SPOCK1: variants seen among roughly 807,000 people sequenced by gnomAD.
The protein encoded by SPOCK1 is SPARC (osteonectin), cwcv and kazal like domains proteoglycan 1, also known as testican-1.
A neutral mutation model predicts 55.3 loss-of-function variants in SPOCK1; 23 were observed. The ratio of observed to expected loss-of-function variants is 0.42; its 90% CI spans 0.30 to 0.59. The LOEUF (loss-of-function observed/expected upper bound fraction) is 0.59. Ranked by LOEUF, SPOCK1 falls within the 20% of genes least tolerant of loss-of-function variation. The pLI is 0.22. For missense variants in SPOCK1, 499 were observed against 552.5 expected (o/e 0.90, Z 0.97); for synonymous variants, 226 against 221.0 (o/e 1.02, Z -0.20).
chr5:137,380,035 T>G (rs1751429420), intron 2 of SPOCK1, among the ~76,000 whole-genome samples: 1 of 152,202 alleles, frequency 6.6e-6, no homozygotes, highest in South Asian at 2.1e-4. Context: ...ATTCTCCTTT[T>G]TTCCCTCTAA....
At chr5:137,377,816 T>G (rs1751354849) in intron 2 of SPOCK1, among the ~76,000 whole-genome samples, 1 of 151,876 alleles carries the variant, frequency 6.6e-6, no homozygotes, top group Non-Finnish European at 1.5e-5. Flanking sequence ...AACAAATGAA[T>G]CAAATCAGTC....
chr5:137,097,511 A>G (rs1215231247), intron 5 of SPOCK1, among the ~76,000 whole-genome samples: 1 of 152,180 alleles, frequency 6.6e-6, no homozygotes. Flanking sequence ...ACACAGACTG[A>G]GCATGTCAGA....
chr5:137,498,372 C>T lies in SPOCK1; in HGVS notation c.186+1G>A. ...CAGGGCCGGGTGGCGCCGGTACTCA[C>T]GTCTCGAAAGCGGTTCCAGTACTTG... On this transcript the variant is annotated splice_donor_variant, in intron 2 of 10. Coordinates refer to ENST00000394945, the MANE Select transcript of SPOCK1 (RefSeq NM_004598.4). LOFTEE classifies it high-confidence loss of function. 1 of 1,595,256 alleles carries T rather than the reference C, an allele frequency of 6.3e-7. No homozygotes were observed. Among genetic ancestry groups the T allele is most frequent in the Non-Finnish European group, 8.5e-7 (1 of 1,171,140 alleles).
At chr5:137,232,650 C>T (rs1344586980) in intron 3 of SPOCK1, among the ~76,000 whole-genome samples, 1 of 152,196 alleles carries the variant, frequency 6.6e-6, no homozygotes, top group Non-Finnish European at 1.5e-5. Flanking sequence ...GTCAAAATCA[C>T]TTTAGCTATT....
intron 2 of SPOCK1, among the ~76,000 whole-genome samples, chr5:137,274,835 G>A (rs542460799): frequency 1.3e-5 from 2 of 152,138 alleles, no homozygotes; most frequent in East Asian, 3.9e-4. Context: ...TTGCGTAAAG[G>A]GCAGACACGT....
At chr5:137,100,575 CTGTT>C (rs1753243091) in intron 5 of SPOCK1, among the ~76,000 whole-genome samples, 1 of 152,216 alleles carries the variant, frequency 6.6e-6, no homozygotes, top group Admixed American at 6.5e-5. Context: ...TCTGACCAAA[CTGTT>C]TGGGGTCACC....
chr5:137,414,190 C>T (rs1023450672), intron 2 of SPOCK1, among the ~76,000 whole-genome samples: 1 of 152,190 alleles, frequency 6.6e-6, no homozygotes, highest in Non-Finnish European at 1.5e-5. Flanking sequence ...CTTCCTATTC[C>T]TCCTCTATCC....
intron 2 of SPOCK1, among the ~76,000 whole-genome samples, chr5:137,279,653 C>T (rs546786230): frequency 1.0e-3 from 156 of 152,314 alleles, no homozygotes; most frequent in Non-Finnish European, 1.7e-3. Flanking sequence ...TCTCAGTCTG[C>T]CCTTTGCTCT....
intron 6 of SPOCK1, among the ~76,000 whole-genome samples, chr5:137,012,272 G>A (rs929353472): frequency 6.6e-6 from 1 of 152,194 alleles, no homozygotes; most frequent in Non-Finnish European, 1.5e-5. Context: ...CATGGCCACA[G>A]TCATGTCTGT....
At chr5:137,404,261 C>T (rs1752046537) in intron 2 of SPOCK1, among the ~76,000 whole-genome samples, 1 of 152,238 alleles carries the variant, frequency 6.6e-6, no homozygotes, top group Non-Finnish European at 1.5e-5. Context: ...GCTGCTACGA[C>T]AGCCAACTGT....
chr5:137,339,562 T>C (rs1038547933), intron 2 of SPOCK1, among the ~76,000 whole-genome samples: 10 of 152,126 alleles, frequency 6.6e-5, no homozygotes, highest in African/African-American at 2.4e-4. Context: ...AGCCTCCGCA[T>C]CAAGCTAAAC....
chr5:137,246,955 G>A (rs557714089), intron 3 of SPOCK1, among the ~76,000 whole-genome samples: 33 of 152,208 alleles, frequency 2.2e-4, no homozygotes, highest in African/African-American at 3.9e-4. Flanking sequence ...TCTAATCTCC[G>A]CGGGTGGAGC....
chr5:137,240,819 C>T (rs958357108), intron 3 of SPOCK1, among the ~76,000 whole-genome samples: 2 of 152,070 alleles, frequency 1.3e-5, no homozygotes, highest in East Asian at 1.9e-4. Flanking sequence ...ATAACATTAT[C>T]GAACAATGAT....
At chr5:137,192,170 G>A (rs1755193579) in intron 3 of SPOCK1, among the ~76,000 whole-genome samples, 1 of 148,904 alleles carries the variant, frequency 6.7e-6, no homozygotes, top group Middle Eastern at 3.4e-3. Flanking sequence ...CCCGGGAGGT[G>A]GAGGTTGAGC....
intron 2 of SPOCK1, among the ~76,000 whole-genome samples, chr5:137,280,788 A>G (rs946367661): frequency 1.3e-4 from 20 of 152,206 alleles, no homozygotes; most frequent in Admixed American, 8.5e-4. Context: ...AAACAGAAAA[A>G]CAATATGAAA....
In SPOCK1 at chr5:136,978,180, C is replaced by T. The variant is rs1471098377; in HGVS notation, c.*474G>A. 2 of 370,434 alleles carry T rather than the reference C, an allele frequency of 5.4e-6. No individual in the cohort carries two copies. Among genetic ancestry groups the T allele is most frequent in the African/African-American group, 4.2e-5 (2 of 47,970 alleles). The allele number at this position is 370,434 out of a possible 1,614,324, so 22.9% of individuals were successfully genotyped here. A position where few individuals can be genotyped will look rare whatever the true frequency, so the allele number is the denominator to read the frequency against. On this transcript the variant is annotated 3_prime_UTR_variant, in exon 11 of 11. Transcript: ENST00000394945. ...GTAACGGGGGCAGGGGGAAAAAGTACAGTGTGGTGTATTTTTTGTTTTTTT... is the reference window on the plus strand; with the variant it reads ...GTAACGGGGGCAGGGGGAAAAAGTATAGTGTGGTGTATTTTTTGTTTTTTT...
intron 3 of SPOCK1, among the ~76,000 whole-genome samples, chr5:137,195,527 G>A (rs1755280608): frequency 6.6e-6 from 1 of 152,262 alleles, no homozygotes; most frequent in African/African-American, 2.4e-5. Context: ...AGCAGAGGAA[G>A]ATGTGGGAGC....
chr5:137,243,709 G>A (rs897522631), intron 3 of SPOCK1, among the ~76,000 whole-genome samples: 3 of 152,164 alleles, frequency 2.0e-5, no homozygotes, highest in African/African-American at 7.2e-5. Context: ...TCAATTTTCT[G>A]CTTGCATAAA....
chr5:137,004,303 G>C (rs890848084), intron 6 of SPOCK1, among the ~76,000 whole-genome samples: 4 of 152,142 alleles, frequency 2.6e-5, no homozygotes, highest in African/African-American at 9.7e-5. Context: ...TGAGGGTCTA[G>C]AGACAAACTG....
Sources: gnomAD v4.1 joint callset for allele counts (sites outside exome capture counted in the v4.1 genomes callset) on GRCh38, gnomAD v4.1.1 for gene constraint, MANE v1.5 for transcripts, NCBI Gene and HGNC (gene_info 2026-07-23, HGNC 2026-07-21) for gene names.